The following G3BP2 variants were observed in gnomAD, a reference collection of about 807,000 sequenced individuals.
The protein encoded by G3BP2 is ras GTPase-activating protein-binding protein 2.
A neutral mutation model predicts 56.7 loss-of-function variants in G3BP2; 11 were observed. The ratio of observed to expected loss-of-function variants is 0.19; its 90% CI spans 0.12 to 0.32. The LOEUF is 0.32. Among genes scored for constraint, G3BP2 ranks in the 10% least tolerant of loss-of-function variants. The pLI, the probability that G3BP2 is intolerant of heterozygous loss-of-function variation, is 1.00. For missense variants in G3BP2, 340 were observed against 610.9 expected, an observed-to-expected ratio of 0.56 and a Z score of 4.67; for synonymous variants, 165 against 191.6, an observed-to-expected ratio of 0.86 and a Z score of 1.15.
intron 4 of G3BP2, 132 bp downstream of exon 4, chr4:75,657,423 ACT>A (rs1732203403): frequency 3.1e-6 from 2 of 641,888 alleles, no homozygotes; most frequent in Non-Finnish European, 2.7e-6. Flanking sequence ...ACACGCACTC[ACT>A]CAAACAACAG....
chr4:75,669,929 T>C (rs564685049), intron 1 of G3BP2, among the ~76,000 whole-genome samples: 1 of 152,232 alleles, frequency 6.6e-6, no homozygotes, highest in South Asian at 2.1e-4. Context: ...CCATCTCTAC[T>C]AAAAACACAA....
intron 8 of G3BP2, among the ~76,000 whole-genome samples, chr4:75,653,570 GTTTT>G (rs1201093120): frequency 2.8e-5 from 2 of 72,394 alleles, no homozygotes; most frequent in Admixed American, 1.5e-4. Flanking sequence ...AAGTTTCCTG[GTTTT>G]TTTTTTTTTT....
intron 8 of G3BP2, among the ~76,000 whole-genome samples, chr4:75,649,320 AG>A (rs1731492914): frequency 6.6e-6 from 1 of 152,194 alleles, no homozygotes; most frequent in Non-Finnish European, 1.5e-5. Context: ...AAAAAATGAC[AG>A]AAACTTATAG....
At chr4:75,649,874 G>A (rs1301079939) in intron 8 of G3BP2, among the ~76,000 whole-genome samples, 2 of 152,046 alleles carry the variant, frequency 1.3e-5, no homozygotes, top group Admixed American at 6.5e-5. Flanking sequence ...AGCTGGGTGT[G>A]GTGGCAGGCA....
rs778411852 is a variant in G3BP2, at chr4:75,655,779, A to G, written c.534T>C (p.Ala178=). 3.2e-6 allele frequency: 5 copies of G among 1,562,100 alleles called. No homozygotes were observed. The highest frequency in any genetic ancestry group is 8.8e-7 in the Non-Finnish European group (1 of 1,132,778). The change falls in exon 6 of 12, where the codon GCT becomes GCC. Residue 178 remains alanine, a synonymous_variant. Transcript: ENST00000359707. ...AATAGTATGCTTACGTCACAGGGTG[A>G]GCTTCATAGTAACCACTGTTAGCAT... ...QENANSGYYE[A]HPVTNGIEEP...
upstream of G3BP2, chr4:75,673,588 G>C: frequency 8.1e-7 from 1 of 1,231,822 alleles, no homozygotes; most frequent in Non-Finnish European, 1.0e-6. Context: ...GCTCGCGCCC[G>C]GAAAGCCGGG....
intron 1 of G3BP2, among the ~76,000 whole-genome samples, chr4:75,670,644 T>C (rs1426339920): frequency 6.6e-6 from 1 of 152,234 alleles, no homozygotes; most frequent in African/African-American, 2.4e-5. Flanking sequence ...GTTTTAAAGT[T>C]TAACAAGTAA....
At chr4:75,689,781 G>A (rs1311452957) in intron 3 of G3BP2, among the ~76,000 whole-genome samples, 1 of 152,220 alleles carries the variant, frequency 6.6e-6, no homozygotes, top group Non-Finnish European at 1.5e-5. Context: ...ATCAAAGACT[G>A]TCTTGGCTAC....
intron 8 of G3BP2, among the ~76,000 whole-genome samples, chr4:75,652,584 T>C (rs1412681886): frequency 6.6e-6 from 1 of 152,132 alleles, no homozygotes; most frequent in Non-Finnish European, 1.5e-5. Flanking sequence ...ATAACGCCAC[T>C]GCCACTACCA....
At chr4:75,670,701 T>G (rs1224196618) in intron 1 of G3BP2, among the ~76,000 whole-genome samples, 1 of 152,176 alleles carries the variant, frequency 6.6e-6, no homozygotes, top group African/African-American at 2.4e-5. Context: ...ATTATCTTCA[T>G]TTACAGAAAA....
chr4:75,654,184 T>C (rs1466965456), intron 7 of G3BP2, 103 bp from the exon 8 acceptor site: 1 of 644,220 alleles, frequency 1.6e-6, no homozygotes, highest in Non-Finnish European at 2.8e-6. Context: ...TCTAAACTAT[T>C]GCTCTATATT....
At chr4:75,675,350 G>A (rs1733832858), upstream of G3BP2, among the ~76,000 whole-genome samples, 1 of 152,146 alleles carries the variant, frequency 6.6e-6, no homozygotes, top group African/African-American at 2.4e-5. Flanking sequence ...AGACCTTAAT[G>A]TGCACCGAAA....
At chr4:75,699,797 TA>T (rs1407424512) in intron 3 of G3BP2, among the ~76,000 whole-genome samples, 2 of 152,182 alleles carry the variant, frequency 1.3e-5, no homozygotes, top group Non-Finnish European at 2.9e-5. Flanking sequence ...TTATAATCCA[TA>T]TTATACTATT....
At chr4:75,660,554 G>C (rs1344836754) in intron 2 of G3BP2, among the ~76,000 whole-genome samples, 1 of 151,962 alleles carries the variant, frequency 6.6e-6, no homozygotes, top group Non-Finnish European at 1.5e-5. Context: ...CTGTCATAAG[G>C]AATACATAAT....
At position 75,644,808 on chromosome 4, in the gene G3BP2, T is replaced by C. The variant is rs1212826227; in HGVS notation, c.*622A>G. 1 of 152,660 alleles carries C rather than the reference T, an allele frequency of 6.6e-6. No homozygotes were observed. The highest frequency in any genetic ancestry group is 2.4e-5 in the African/African-American group (1 of 41,452). 9.5% of individuals were successfully genotyped at this position (152,660 alleles called of 1,614,324 possible). The stretch of plus-strand genomic sequence containing the variant: ...GAATATACTTGTAGTCTTGTTAAGG[T>C]TTATGTGTACACACGCTGGTCACAG... On this transcript the variant is annotated 3_prime_UTR_variant, in exon 12 of 12. Coordinates refer to ENST00000359707, the MANE Select transcript of G3BP2 (RefSeq NM_203505.3).
At chr4:75,712,290 G>C (rs137890956) in intron 3 of G3BP2, among the ~76,000 whole-genome samples, 341 of 151,986 alleles carry the variant, frequency 2.2e-3, no homozygotes, top group African/African-American at 7.8e-3. Context: ...ACTTAGCTGG[G>C]ATCATTCAGT....
chr4:75,651,481 A>G lies in G3BP2; in HGVS notation c.825+2502T>C, dbSNP rs578108100. Reference sequence around the variant, plus strand: ...ATCTTACAAATAATTCATGCCATTGATTTAGGAATCTGACTTTAAGTAGAT... The same window carrying G: ...ATCTTACAAATAATTCATGCCATTGGTTTAGGAATCTGACTTTAAGTAGAT... On this transcript the variant is annotated intron_variant, in intron 8 of 11. Transcript: ENST00000359707. Among the ~76,000 whole-genome samples the G allele has an allele frequency of 2.0e-5, 3 of 152,366 alleles. No homozygotes were observed. The East Asian group carries it at 5.8e-4, about 29-fold the overall frequency.
At chr4:75,699,609 G>A (rs1719259690) in intron 3 of G3BP2, among the ~76,000 whole-genome samples, 1 of 152,196 alleles carries the variant, frequency 6.6e-6, no homozygotes, top group East Asian at 1.9e-4. Flanking sequence ...GTCTTGTAAA[G>A]TGTTTATTAG....
intron 9 of G3BP2, among the ~76,000 whole-genome samples, chr4:75,648,377 A>C (rs55711228): frequency 2.3e-4 from 32 of 139,970 alleles, no homozygotes; most frequent in African/African-American, 5.5e-4. Flanking sequence ...AAAAAAAAAA[A>C]CAAAAAACCG....
Sources: gnomAD v4.1 joint callset for allele counts (sites outside exome capture counted in the v4.1 genomes callset) on GRCh38, gnomAD v4.1.1 for gene constraint, MANE v1.5 for transcripts, NCBI Gene and HGNC (gene_info 2026-07-23, HGNC 2026-07-21) for gene names.